KANSL1: variants seen among roughly 807,000 people sequenced by gnomAD.
KANSL1 encodes MLL1/MLL complex subunit KANSL1.
Under a neutral mutation model 103.6 loss-of-function variants are expected in KANSL1, and 22 were observed. The observed-to-expected ratio is 0.21, with a 90% CI of 0.15 to 0.30. KANSL1 has a LOEUF of 0.30. Among genes scored for constraint, KANSL1 ranks in the 10% least tolerant of loss-of-function variants. The pLI, the probability that KANSL1 is intolerant of heterozygous loss-of-function variation, is 1.00. For synonymous variants in KANSL1, 600 were observed against 527.6 expected (o/e 1.14, Z -1.88); for missense variants, 1,337 against 1,399.8 (o/e 0.96, Z 0.72).
At chr17:46,187,242 T>C (rs2047077295) in intron 1 of KANSL1, among the ~76,000 whole-genome samples, 1 of 152,252 alleles carries the variant, frequency 6.6e-6, no homozygotes, top group Non-Finnish European at 1.5e-5. Context: ...TTGTTATTCC[T>C]CTTTTTTATT....
At chr17:46,157,720 C>T (rs1424671932) in intron 2 of KANSL1, among the ~76,000 whole-genome samples, 1 of 152,230 alleles carries the variant, frequency 6.6e-6, no homozygotes, top group Non-Finnish European at 1.5e-5. Flanking sequence ...TCTGGTAATG[C>T]TTGAGTGTAT....
intron 6 of KANSL1, among the ~76,000 whole-genome samples, chr17:46,061,935 T>C (rs554117896): frequency 2.0e-5 from 3 of 151,880 alleles, no homozygotes; most frequent in East Asian, 3.9e-4. Context: ...CTACTAAAAA[T>C]ACAAATATTA....
At chr17:46,142,030 A>G (rs1159293545) in intron 2 of KANSL1, among the ~76,000 whole-genome samples, 2 of 152,228 alleles carry the variant, frequency 1.3e-5, no homozygotes, top group African/African-American at 4.8e-5. Context: ...CTGGGATTAC[A>G]GGTGTGTGCC....
At chr17:46,190,033 T>C (rs2047236888) in intron 1 of KANSL1, among the ~76,000 whole-genome samples, 1 of 152,202 alleles carries the variant, frequency 6.6e-6, no homozygotes, top group Non-Finnish European at 1.5e-5. Context: ...ACCCCTATGT[T>C]TACAGAGTAC....
At chr17:46,050,356 C>T (rs549180585) in intron 7 of KANSL1, 177 bp downstream of exon 7, 2 of 601,344 alleles carry the variant, frequency 3.3e-6, no homozygotes, top group African/African-American at 1.9e-5. Context: ...TTTAGTGGCA[C>T]CTTCTGGTTT....
At chr17:46,038,514 G>A (rs141409854) in intron 10 of KANSL1, 24 bp downstream of exon 10, 12 of 1,611,680 alleles carry the variant, frequency 7.4e-6, no homozygotes, top group African/African-American at 6.7e-5. Context: ...GGGGGTGTCC[G>A]GCCAACCCCA....
At chr17:46,034,618 C>G (rs932312278) in intron 10 of KANSL1, 2 of 256,094 alleles carry the variant, frequency 7.8e-6, no homozygotes, top group African/African-American at 4.7e-5. Flanking sequence ...CTCTATTAAC[C>G]TCCTCTCCTT....
intron 3 of KANSL1, among the ~76,000 whole-genome samples, chr17:46,092,678 G>T (rs917189307): frequency 2.3e-5 from 3 of 132,078 alleles, no homozygotes; most frequent in Non-Finnish European, 3.1e-5. Context: ...TGTTGGTAGC[G>T]AGATAATTTT....
intron 2 of KANSL1, among the ~76,000 whole-genome samples, chr17:46,147,158 CA>C (rs370266878): frequency 2.2e-3 from 341 of 152,274 alleles, no homozygotes; most frequent in African/African-American, 7.8e-3. Flanking sequence ...TACTTGCATG[CA>C]AAAATATGAT....
At chr17:46,220,511 C>A (rs1368838673) in intron 1 of KANSL1, among the ~76,000 whole-genome samples, 1 of 152,208 alleles carries the variant, frequency 6.6e-6, no homozygotes, top group Non-Finnish European at 1.5e-5. Flanking sequence ...CCACTGCGCC[C>A]AGCTAAAATT....
At chr17:46,139,496 A>G (rs547350527) in intron 2 of KANSL1, among the ~76,000 whole-genome samples, 1 of 152,314 alleles carries the variant, frequency 6.6e-6, no homozygotes, top group African/African-American at 2.4e-5. Context: ...AAATGTGCAC[A>G]TGTGTACTCA....
Position 46,082,494 on chromosome 17 carries a change from A to C in KANSL1, c.1480T>G (p.Leu494Val), listed in dbSNP as rs955924903. The stretch of plus-strand genomic sequence containing the variant: ...ACCTCAGAACTAAGTGGAAGAAATA[A>C]GTCTGTTGTATGCTCTGGGGGAGGT... The part of the protein sequence containing the change: ...EVPPPEHTTD[L>V]FLPLSSEVKT... The change falls in exon 4 of 15, where the codon TTA (leucine) becomes GTA (valine). Residue 494 changes from leucine to valine, a missense_variant. Coordinates refer to ENST00000432791, the MANE Select transcript of KANSL1 (RefSeq NM_015443.4). 4 of 1,612,760 alleles carry C rather than the reference A, an allele frequency of 2.5e-6. No homozygotes were observed. The African/African-American group carries it at 4.0e-5, about 16-fold the overall frequency.
At chr17:46,075,027 T>C (rs978529119) in intron 4 of KANSL1, among the ~76,000 whole-genome samples, 1 of 152,090 alleles carries the variant, frequency 6.6e-6, no homozygotes, top group Non-Finnish European at 1.5e-5. Flanking sequence ...TGTGGAACGC[T>C]ATACAAAATA....
At position 46,030,251 on chromosome 17, in the gene KANSL1, A is replaced by C. The variant is rs2076970268; in HGVS notation, c.*1225T>G. ...TGGTGCATTATTGTATTTTTTTTTA[A>C]AGAAACAATGACAAACCCTTTAACT... On this transcript the variant is annotated 3_prime_UTR_variant, in exon 15 of 15. Transcript: ENST00000432791. 6.6e-6 allele frequency: 1 copy of C among 152,064 alleles called. No individual in the cohort carries two copies. The highest frequency in any genetic ancestry group is 2.4e-5 in the African/African-American group (1 of 41,318). 9.4% of individuals were successfully genotyped at this position (152,064 alleles called of 1,614,324 possible).
chr17:46,077,626 C>T (rs1291521329), intron 4 of KANSL1, among the ~76,000 whole-genome samples: 1 of 152,138 alleles, frequency 6.6e-6, no homozygotes, highest in Non-Finnish European at 1.5e-5. Context: ...GCCATGATCT[C>T]GGCTCACTGC....
intron 2 of KANSL1, among the ~76,000 whole-genome samples, chr17:46,105,947 A>ACACACACACACACACCCCC (rs1396276906): frequency 1.7e-5 from 1 of 57,780 alleles, no homozygotes; most frequent in African/African-American, 6.6e-5. Context: ...ACACACACAC[A>ACACACACACACACACCCCC]CCCCCCCAGA....
At chr17:46,208,656 C>T (rs1457395349) in intron 1 of KANSL1, among the ~76,000 whole-genome samples, 1 of 147,626 alleles carries the variant, frequency 6.8e-6, no homozygotes, top group African/African-American at 2.5e-5. Flanking sequence ...GTACTCCTAA[C>T]ATTCAGCACC....
intron 2 of KANSL1, among the ~76,000 whole-genome samples, chr17:46,114,127 G>A (rs1047204851): frequency 1.3e-5 from 2 of 152,210 alleles, no homozygotes; most frequent in African/African-American, 2.4e-5. Flanking sequence ...ATGGGAGGCC[G>A]AGTAGGGCAG....
At chr17:46,144,327 C>T (rs753558864) in intron 2 of KANSL1, among the ~76,000 whole-genome samples, 121 of 152,238 alleles carry the variant, frequency 7.9e-4, no homozygotes, top group Non-Finnish European at 1.5e-3. Context: ...AAAGAAATTC[C>T]AGATTTCCTC....
Sources: allele counts gnomAD v4.1 joint callset (sites outside exome capture counted in the v4.1 genomes callset), GRCh38; gene constraint gnomAD v4.1.1; transcripts MANE v1.5; gene names NCBI Gene and HGNC (gene_info 2026-07-23, HGNC 2026-07-21).